Variants in CTNNA2 observed in about 807,000 individuals in gnomAD.
The protein encoded by CTNNA2 is catenin alpha-2.
A neutral mutation model predicts 101.0 loss-of-function variants in CTNNA2; 42 were observed. The observed-to-expected ratio is 0.42, with a 90% CI of 0.32 to 0.54. The LOEUF is 0.54. Among genes scored for constraint, CTNNA2 ranks in the 20% least tolerant of loss-of-function variants. The pLI is 0.14. For synonymous variants in CTNNA2, 450 were observed against 456.4 expected, an observed-to-expected ratio of 0.99 and a Z score of 0.18; for missense variants, 871 against 1,223.1, an observed-to-expected ratio of 0.71 and a Z score of 4.29.
intron 18 of CTNNA2, among the ~76,000 whole-genome samples, chr2:80,635,523 G>A (rs1007887014): frequency 6.6e-6 from 1 of 152,042 alleles, no homozygotes; most frequent in Non-Finnish European, 1.5e-5. Flanking sequence ...CTACATATGT[G>A]TCTAACATTT....
In CTNNA2 at chr2:80,338,296, C is replaced by CTT. The variant is rs201060579; in HGVS notation, c.1057-54911_1057-54910dup. Among the ~76,000 whole-genome samples the CTT allele has an allele frequency of 3.2e-3, 406 of 125,542 alleles. 3 individuals are homozygous for CTT. Among genetic ancestry groups the CTT allele is most frequent in the African/African-American group, 0.012 (329 of 28,028 alleles). The allele number at this position is 125,542 out of a possible 152,430, so 82.4% of individuals were successfully genotyped here. On this transcript the variant is annotated intron_variant, in intron 7 of 18. Coordinates refer to ENST00000402739, the MANE Select transcript of CTNNA2 (RefSeq NM_001282597.3). The stretch of plus-strand genomic sequence containing the variant: ...GAGCCTCTGCACCTGGCCTTTTTTT[C>CTT]TTTTTCTTTTTTTTTTTTTTTCACT...
At chr2:79,643,461 C>G (rs78462293) in intron 1 of CTNNA2, among the ~76,000 whole-genome samples, 1 of 152,124 alleles carries the variant, frequency 6.6e-6, no homozygotes, top group Non-Finnish European at 1.5e-5. Flanking sequence ...CACCCTAGAC[C>G]TAATCAATCA....
intron 6 of CTNNA2, among the ~76,000 whole-genome samples, chr2:79,905,344 G>A (rs1326220148): frequency 6.6e-6 from 1 of 152,098 alleles, no homozygotes; most frequent in African/African-American, 2.4e-5. Flanking sequence ...AATGTAAGAT[G>A]GAACTAAAAG....
intron 7 of CTNNA2, among the ~76,000 whole-genome samples, chr2:80,071,171 A>G (rs969203990): frequency 6.6e-6 from 1 of 152,204 alleles, no homozygotes; most frequent in African/African-American, 2.4e-5. Context: ...CTGCACTTCA[A>G]TATTTTCCTC....
chr2:80,042,008 A>G (rs542521527), intron 7 of CTNNA2, among the ~76,000 whole-genome samples: 1 of 152,178 alleles, frequency 6.6e-6, no homozygotes, highest in Non-Finnish European at 1.5e-5. Flanking sequence ...TCTATTGCCC[A>G]GGCTGGAGTG....
At chr2:80,294,468 A>T (rs994134017) in intron 7 of CTNNA2, among the ~76,000 whole-genome samples, 2 of 151,468 alleles carry the variant, frequency 1.3e-5, no homozygotes, top group African/African-American at 4.8e-5. Context: ...GACCCCATGG[A>T]GCCCTGACCC....
intron 7 of CTNNA2, among the ~76,000 whole-genome samples, chr2:80,352,542 G>C (rs1673402197): frequency 6.6e-6 from 1 of 152,094 alleles, no homozygotes; most frequent in Non-Finnish European, 1.5e-5. Context: ...TAAATGTTTT[G>C]ATAGGACACT....
rs777740188 is a variant in CTNNA2 at position 80,303,636 on chromosome 2, G to T, written c.1057-89575G>T. Reference sequence around the variant, plus strand: ...AAGCCCAGCAGGCCGGACAGGTTGTGGGGCGCCTCGGTGAGGTTGAGCGCC... The same window carrying T: ...AAGCCCAGCAGGCCGGACAGGTTGTTGGGCGCCTCGGTGAGGTTGAGCGCC... On this transcript the variant is annotated intron_variant, in intron 7 of 18. Coordinates refer to ENST00000402739, the MANE Select transcript of CTNNA2 (RefSeq NM_001282597.3). This position sits in a 1 kb window ranked among gnomAD's most constrained non-coding sequence, Gnocchi z 7.7. 7 of 1,613,558 alleles carry T rather than the reference G, an allele frequency of 4.3e-6. No individual in the cohort carries two copies. In the Admixed American group the frequency reaches 1.2e-4, roughly 27 times the overall value.
At chr2:79,776,254 GT>G (rs1673955468) in intron 3 of CTNNA2, among the ~76,000 whole-genome samples, 1 of 151,724 alleles carries the variant, frequency 6.6e-6, no homozygotes, top group Non-Finnish European at 1.5e-5. Context: ...ATTCCAACCA[GT>G]TAACTTTTGG....
intron 7 of CTNNA2, among the ~76,000 whole-genome samples, chr2:80,038,673 C>T (rs1695827803): frequency 6.6e-6 from 1 of 152,054 alleles, no homozygotes; most frequent in Non-Finnish European, 1.5e-5. Flanking sequence ...TGGTGAAACC[C>T]CGTCTCTACT....
intron 4 of CTNNA2, chr2:79,500,538 A>T (rs918331001): frequency 2.0e-5 from 3 of 152,186 alleles, no homozygotes; most frequent in Non-Finnish European, 2.9e-5. Flanking sequence ...TTTCTAAATC[A>T]TATTGGCTAC....
At position 79,390,666 on chromosome 2, in the gene CTNNA2, T is replaced by C. The variant is rs186655267; in HGVS notation, c.-135+16653T>C. Among the ~76,000 whole-genome samples the C allele has an allele frequency of 3.3e-3, 501 of 152,330 alleles. 3 individuals carry two copies. The highest frequency in any genetic ancestry group is 3.0e-3 in the Non-Finnish European group (203 of 68,032). On this transcript the variant is annotated intron_variant, in intron 4 of 21. Transcript: ENST00000466387. The stretch of plus-strand genomic sequence containing the variant: ...ACCCAGCTAATAGCTATGCAGTAAC[T>C]AGCCCTGGTTTTCACATATGGAAAT...
intron 4 of CTNNA2, among the ~76,000 whole-genome samples, chr2:79,451,522 T>C (rs1228947966): frequency 1.3e-5 from 2 of 151,910 alleles, no homozygotes; most frequent in Admixed American, 6.6e-5. Flanking sequence ...TAATCATTCG[T>C]TTGTAATATA....
In CTNNA2 at chr2:80,487,374, G is replaced by A. The variant is rs568719948; in HGVS notation, c.1291-57608G>A. On this transcript the variant is annotated intron_variant, in intron 9 of 18. Transcript: ENST00000402739. The stretch of plus-strand genomic sequence containing the variant: ...CATGCTGCTATAAAGAACTGCTGAA[G>A]ACTGGGTAGTTATAAAGCAAAGAGG... 9.2e-5 allele frequency among the ~76,000 whole-genome samples: 14 copies of A among 151,874 alleles called. No homozygotes were observed. The East Asian group carries it at 2.7e-3, about 29-fold the overall frequency.
At chr2:80,226,796 A>C (rs964548398) in intron 7 of CTNNA2, among the ~76,000 whole-genome samples, 1 of 151,994 alleles carries the variant, frequency 6.6e-6, no homozygotes, top group Admixed American at 6.6e-5. Context: ...ACATAGAAAC[A>C]TCTCCCTCTT....
At chr2:79,827,817 T>C (rs1407709538) in intron 3 of CTNNA2, among the ~76,000 whole-genome samples, 2 of 152,202 alleles carry the variant, frequency 1.3e-5, no homozygotes, top group African/African-American at 4.8e-5. Context: ...ATTATCACAC[T>C]GTCAGGTAGT....
chr2:79,386,084 C>A (rs1678102681), intron 4 of CTNNA2, among the ~76,000 whole-genome samples: 1 of 152,116 alleles, frequency 6.6e-6, no homozygotes, highest in Non-Finnish European at 1.5e-5. Flanking sequence ...GTTTCTGGTT[C>A]TAGATCCTTG....
chr2:79,878,353 A>C (rs981463286), intron 6 of CTNNA2, among the ~76,000 whole-genome samples: 7 of 152,166 alleles, frequency 4.6e-5, no homozygotes, highest in African/African-American at 1.7e-4. Flanking sequence ...TGCTGGGTCT[A>C]ATGGTATTTC....
At chr2:79,883,074 C>G (rs1171389172) in intron 6 of CTNNA2, among the ~76,000 whole-genome samples, 1 of 152,112 alleles carries the variant, frequency 6.6e-6, no homozygotes, top group Non-Finnish European at 1.5e-5. Flanking sequence ...GATTCATACG[C>G]TTATTAGGTT....
Sources: allele counts gnomAD v4.1 joint callset (sites outside exome capture counted in the v4.1 genomes callset), GRCh38; gene constraint gnomAD v4.1.1; non-coding constraint Gnocchi (gnomAD v3.1); transcripts MANE v1.5; gene names NCBI Gene and HGNC (gene_info 2026-07-23, HGNC 2026-07-21).